The following VGLL4 variants were observed in gnomAD, a reference collection of about 807,000 sequenced individuals.
The protein encoded by VGLL4 is transcription cofactor vestigial-like protein 4.
In VGLL4, 7 loss-of-function variants were observed where a neutral mutation model predicts 21.0. The observed-to-expected ratio is 0.33, with a 90% CI of 0.19 to 0.63. The LOEUF is 0.63. Among genes scored for constraint, VGLL4 ranks in the 20% least tolerant of loss-of-function variants. The pLI, the probability that VGLL4 is intolerant of heterozygous loss-of-function variation, is 0.78. For missense variants in VGLL4, 394 were observed against 425.7 expected (o/e 0.93, Z 0.66); for synonymous variants, 222 against 173.2 (o/e 1.28, Z -2.21).
At chr3:11,571,436 C>T (rs1213742940) in intron 2 of VGLL4, among the ~76,000 whole-genome samples, 2 of 152,322 alleles carry the variant, frequency 1.3e-5, no homozygotes, top group African/African-American at 2.4e-5. Context: ...GTAATCCCAG[C>T]ACTTTGGGAG....
intron 2 of VGLL4, among the ~76,000 whole-genome samples, chr3:11,591,946 T>C (rs4989111): frequency 0.79 from 120,212 of 152,006 alleles, 48,115 homozygotes; most frequent in Non-Finnish European, 0.86. Context: ...TCCACATTAG[T>C]AATTTAGGAC....
chr3:11,718,542 A>G (rs1320990058), intron 1 of VGLL4, among the ~76,000 whole-genome samples: 2 of 151,468 alleles, frequency 1.3e-5, no homozygotes, highest in Non-Finnish European at 3.0e-5. Flanking sequence ...GTAGAGAAAG[A>G]GTTAAAGTTT....
chr3:11,560,567 G>A (rs549326997), intron 3 of VGLL4, among the ~76,000 whole-genome samples: 14 of 152,314 alleles, frequency 9.2e-5, no homozygotes, highest in African/African-American at 3.1e-4. Flanking sequence ...CATGATAGAC[G>A]ACAGTGATTG....
At chr3:11,711,436 C>T (rs984934403) in intron 1 of VGLL4, among the ~76,000 whole-genome samples, 7 of 151,812 alleles carry the variant, frequency 4.6e-5, no homozygotes, top group Non-Finnish European at 8.8e-5. Context: ...TGGTGGCAGG[C>T]ACCTGTGGTC....
chr3:11,715,091 C>G (rs1298927516), intron 1 of VGLL4, among the ~76,000 whole-genome samples: 1 of 150,142 alleles, frequency 6.7e-6, no homozygotes, highest in East Asian at 2.0e-4. Flanking sequence ...GCCGAGATCG[C>G]GCCGCTGCAC....
At chr3:11,677,489 G>A (rs1014920523) in intron 2 of VGLL4, among the ~76,000 whole-genome samples, 2 of 151,946 alleles carry the variant, frequency 1.3e-5, no homozygotes, top group African/African-American at 4.8e-5. Context: ...TGCCCATGGT[G>A]GTCTCAAACT....
In VGLL4 at chr3:11,568,796, G is replaced by C; in HGVS notation, c.273-3777C>G. 1 of 1,446,652 alleles carries C rather than the reference G, an allele frequency of 6.9e-7. No individual in the cohort carries two copies. Among genetic ancestry groups the C allele is most frequent in the Non-Finnish European group, 9.1e-7 (1 of 1,103,834 alleles). The allele number at this position is 1,446,652 out of a possible 1,614,324, so 89.6% of individuals were successfully genotyped here. ...CGCTCCTGGTCAGGACTGTGCCCGA[G>C]AGAGCCCACGGCATCCCCGCGAACA... On this transcript the variant is annotated intron_variant, in intron 2 of 4. Coordinates refer to ENST00000430365, the MANE Select transcript of VGLL4 (RefSeq NM_001128219.3). The surrounding 1 kb of genome is among the most constrained non-coding windows in gnomAD (Gnocchi z 5.9).
intron 2 of VGLL4, among the ~76,000 whole-genome samples, chr3:11,669,905 C>T (rs2076179130): frequency 6.6e-6 from 1 of 152,144 alleles, no homozygotes; most frequent in African/African-American, 2.4e-5. Flanking sequence ...ATCTTCTTGC[C>T]TTGGCCTCCC....
At chr3:11,671,508 T>C (rs2076216691) in intron 2 of VGLL4, 2 of 635,148 alleles carry the variant, frequency 3.1e-6, no homozygotes, top group South Asian at 3.5e-5. Flanking sequence ...TACTCAAGTT[T>C]CGCAGTCTGC....
chr3:11,602,727 T>C (rs1026744000), intron 1 of VGLL4, among the ~76,000 whole-genome samples: 2 of 152,200 alleles, frequency 1.3e-5, no homozygotes, highest in African/African-American at 4.8e-5. Context: ...GGGTCCACAT[T>C]TCCATTTGAT....
chr3:11,574,246 A>AT (rs1240706456), intron 2 of VGLL4, among the ~76,000 whole-genome samples: 1 of 152,130 alleles, frequency 6.6e-6, no homozygotes, highest in Non-Finnish European at 1.5e-5. Flanking sequence ...GGCTTTAGAT[A>AT]TTTGCCACAC....
chr3:11,644,035 G>A (rs184153095), upstream of VGLL4: 58 of 974,682 alleles, frequency 6.0e-5, no homozygotes, highest in East Asian at 4.1e-3. Context: ...AATGTAGCAA[G>A]TGTTGGAAAG....
chr3:11,701,319 G>T (rs1280475977), intron 2 of VGLL4, among the ~76,000 whole-genome samples: 3 of 151,270 alleles, frequency 2.0e-5, no homozygotes, highest in African/African-American at 4.9e-5. Flanking sequence ...GTCACCTTCT[G>T]CCAGGAGTAA....
intron 2 of VGLL4, among the ~76,000 whole-genome samples, chr3:11,581,954 A>G (rs905446287): frequency 6.6e-6 from 1 of 152,190 alleles, no homozygotes; most frequent in Non-Finnish European, 1.5e-5. Context: ...CTTCCAATCC[A>G]TGAAGGAAAC....
intron 2 of VGLL4, among the ~76,000 whole-genome samples, chr3:11,593,676 C>A (rs529076231): frequency 6.6e-6 from 1 of 152,086 alleles, no homozygotes; most frequent in African/African-American, 2.4e-5. Context: ...CAACAGGAAC[C>A]GGAGAGCCCA....
At chr3:11,676,211 C>T (rs1038850128) in intron 2 of VGLL4, among the ~76,000 whole-genome samples, 2 of 151,932 alleles carry the variant, frequency 1.3e-5, no homozygotes, top group African/African-American at 4.8e-5. Flanking sequence ...CACGGTGAAA[C>T]CCCGTCTCTA....
At chr3:11,697,343 G>A (rs2076619851) in intron 2 of VGLL4, among the ~76,000 whole-genome samples, 1 of 151,384 alleles carries the variant, frequency 6.6e-6, no homozygotes, top group Non-Finnish European at 1.5e-5. Flanking sequence ...CTGGGCTCAA[G>A]CAATCCTCCC....
At chr3:11,655,013 A>C (rs2075935286) in intron 2 of VGLL4, among the ~76,000 whole-genome samples, 1 of 152,132 alleles carries the variant, frequency 6.6e-6, no homozygotes, top group African/African-American at 2.4e-5. Flanking sequence ...CCTCCTGTGG[A>C]TCTTCTATTT....
chr3:11,668,811 G>A (rs1008766149), intron 2 of VGLL4, among the ~76,000 whole-genome samples: 2 of 152,194 alleles, frequency 1.3e-5, no homozygotes, highest in Non-Finnish European at 2.9e-5. Flanking sequence ...TACCTTCTCA[G>A]AGGGAAACTG....
Sources: allele counts gnomAD v4.1 joint callset (sites outside exome capture counted in the v4.1 genomes callset), GRCh38; gene constraint gnomAD v4.1.1; non-coding constraint Gnocchi (gnomAD v3.1); transcripts MANE v1.5; gene names NCBI Gene and HGNC (gene_info 2026-07-23, HGNC 2026-07-21).